The following CTNNA2 variants were observed in gnomAD, a reference collection of about 807,000 sequenced individuals.
CTNNA2 encodes catenin alpha-2.
A neutral mutation model predicts 101.0 loss-of-function variants in CTNNA2; 42 were observed. The observed-to-expected ratio is 0.42, with a 90% confidence interval of 0.32 to 0.54. The LOEUF (loss-of-function observed/expected upper bound fraction) is 0.54. Among genes scored for constraint, CTNNA2 ranks in the 20% least tolerant of loss-of-function variants. The probability of loss-of-function intolerance (pLI) is 0.14; values close to 1 mark genes in which losing one functional copy is unlikely to be tolerated. For missense variants in CTNNA2, 871 were observed against 1,223.1 expected, an observed-to-expected ratio of 0.71 and a Z score of 4.29; for synonymous variants, 450 against 456.4, an observed-to-expected ratio of 0.99 and a Z score of 0.18.
At chr2:79,511,762 A>T (rs1231704609), upstream of CTNNA2, among the ~76,000 whole-genome samples, 1 of 152,198 alleles carries the variant, frequency 6.6e-6, no homozygotes, top group Admixed American at 6.6e-5. Context: ...ACAATTGCAG[A>T]CGCGAACTTG....
chr2:80,223,227 C>T (rs1358285711), intron 7 of CTNNA2, among the ~76,000 whole-genome samples: 2 of 152,068 alleles, frequency 1.3e-5, no homozygotes, highest in Admixed American at 6.6e-5. Flanking sequence ...ATTTCTGGAA[C>T]GTAATGAAGA....
At chr2:79,398,767 C>CA (rs1226488275) in intron 4 of CTNNA2, among the ~76,000 whole-genome samples, 15 of 145,648 alleles carry the variant, frequency 1.0e-4, no homozygotes, top group East Asian at 6.0e-4. Flanking sequence ...AAAAAAACCT[C>CA]AAAAAAAAAC....
intron 13 of CTNNA2, among the ~76,000 whole-genome samples, chr2:80,580,985 C>T (rs1695485962): frequency 6.6e-6 from 1 of 151,534 alleles, no homozygotes; most frequent in African/African-American, 2.4e-5. Context: ...TGCTGCACTC[C>T]AGCCTGGGCT....
In CTNNA2 at chr2:79,605,753, T is replaced by A. The variant is rs904091349; in HGVS notation, c.-5-45799T>A. Among the ~76,000 whole-genome samples the A allele has an allele frequency of 2.0e-5, 3 of 151,764 alleles. No individual in the cohort carries two copies. In the East Asian group the frequency reaches 5.8e-4, roughly 30 times the overall value. ...ACACCATCTCTACAAATAATGATGA[T>A]AATAATAATAATAATAAACTAGCTG... On this transcript the variant is annotated intron_variant, in intron 1 of 18. Transcript: ENST00000402739.
At position 79,982,230 on chromosome 2, in the gene CTNNA2, A is replaced by ATATATATATATG. The variant is rs1163442966; in HGVS notation, c.1056+72437_1056+72448dup. On this transcript the variant is annotated intron_variant, in intron 7 of 18. Transcript: ENST00000402739. ...TATATATATATATATATATATATAT[A>ATATATATATATG]TATATATATATGTATGTATATGTAC... 3.1e-5 allele frequency among the ~76,000 whole-genome samples: 3 copies of ATATATATATATG among 96,444 alleles called. No homozygotes were observed. The East Asian group carries it at 1.1e-3, about 36-fold the overall frequency. The allele number at this position is 96,444 out of a possible 152,430, so 63.3% of individuals were successfully genotyped here. A position where few individuals can be genotyped will look rare whatever the true frequency, so the allele number is the denominator to read the frequency against.
chr2:79,748,019 G>A (rs1175417447), intron 3 of CTNNA2, among the ~76,000 whole-genome samples: 1 of 152,184 alleles, frequency 6.6e-6, no homozygotes, highest in Non-Finnish European at 1.5e-5. Context: ...CACTGCACAT[G>A]CCTCTCAGGT....
intron 7 of CTNNA2, among the ~76,000 whole-genome samples, chr2:79,952,469 A>C (rs1688954025): frequency 6.6e-6 from 1 of 152,188 alleles, no homozygotes; most frequent in Non-Finnish European, 1.5e-5. Context: ...CTATTTAAAA[A>C]CCACTGAATT....
At chr2:80,258,476 A>T (rs1672342806) in intron 7 of CTNNA2, among the ~76,000 whole-genome samples, 1 of 152,138 alleles carries the variant, frequency 6.6e-6, no homozygotes, top group Non-Finnish European at 1.5e-5. Context: ...TTTATGTCGC[A>T]CACTGTGAGG....
intron 2 of CTNNA2, among the ~76,000 whole-genome samples, chr2:79,199,200 G>C (rs919679025): frequency 6.6e-5 from 10 of 152,198 alleles, no homozygotes; most frequent in African/African-American, 2.2e-4. Context: ...ACGGGGCAAA[G>C]AGAGGCTATA....
intron 3 of CTNNA2, among the ~76,000 whole-genome samples, chr2:79,354,608 C>A (rs978352166): frequency 8.5e-5 from 13 of 152,112 alleles, no homozygotes; most frequent in African/African-American, 3.1e-4. Flanking sequence ...GATTGGGTTT[C>A]AACTTTCTGT....
intron 18 of CTNNA2, among the ~76,000 whole-genome samples, chr2:80,623,775 C>G (rs1450241757): frequency 1.3e-5 from 2 of 151,906 alleles, no homozygotes; most frequent in Non-Finnish European, 2.9e-5. Context: ...ACAGGTGATT[C>G]ATTTTCACAC....
At chr2:79,303,237 A>T (rs989983188) in intron 2 of CTNNA2, among the ~76,000 whole-genome samples, 1 of 152,208 alleles carries the variant, frequency 6.6e-6, no homozygotes, top group Admixed American at 6.5e-5. Flanking sequence ...CTGACCCAGG[A>T]TCCACGTCCT....
At chr2:79,829,543 C>T (rs1241145296) in intron 3 of CTNNA2, among the ~76,000 whole-genome samples, 1 of 151,220 alleles carries the variant, frequency 6.6e-6, no homozygotes, top group Non-Finnish European at 1.5e-5. Context: ...GCACTCCAGG[C>T]TGGGTGACAG....
At chr2:80,325,757 A>T (rs1375923287) in intron 7 of CTNNA2, among the ~76,000 whole-genome samples, 2 of 152,198 alleles carry the variant, frequency 1.3e-5, no homozygotes, top group Non-Finnish European at 2.9e-5. Flanking sequence ...TATAAGTGCT[A>T]CATGAGTTTG....
intron 2 of CTNNA2, among the ~76,000 whole-genome samples, chr2:79,263,803 G>C (rs1361015977): frequency 6.6e-6 from 1 of 152,126 alleles, no homozygotes; most frequent in African/African-American, 2.4e-5. Flanking sequence ...CTCCCCAGAT[G>C]CAGCCCCTCG....
intron 1 of CTNNA2, among the ~76,000 whole-genome samples, chr2:79,536,084 C>T (rs1335809497): frequency 1.3e-5 from 2 of 152,088 alleles, no homozygotes; most frequent in African/African-American, 2.4e-5. Context: ...GAAGAAGATT[C>T]GGTCAAGGTA....
intron 7 of CTNNA2, among the ~76,000 whole-genome samples, chr2:79,964,457 C>A (rs1178489534): frequency 6.6e-6 from 1 of 151,260 alleles, no homozygotes; most frequent in South Asian, 2.1e-4. Context: ...ATTACTTTTC[C>A]CCTTTTAGCA....
intron 9 of CTNNA2, among the ~76,000 whole-genome samples, chr2:80,452,148 G>A (rs1683571547): frequency 6.6e-6 from 1 of 151,910 alleles, no homozygotes; most frequent in Non-Finnish European, 1.5e-5. Flanking sequence ...TACAGATGAG[G>A]CAGCTGAACC....
intron 1 of CTNNA2, among the ~76,000 whole-genome samples, chr2:79,533,292 C>G (rs1672855532): frequency 6.6e-6 from 1 of 152,040 alleles, no homozygotes; most frequent in Admixed American, 6.6e-5. Flanking sequence ...CAGGGATAAG[C>G]TTTATTCATC....
Sources: allele counts gnomAD v4.1 joint callset (sites outside exome capture counted in the v4.1 genomes callset), GRCh38; gene constraint gnomAD v4.1.1; transcripts MANE v1.5; gene names NCBI Gene and HGNC (gene_info 2026-07-23, HGNC 2026-07-21).